Variants in FAM171A2 observed in about 807,000 individuals in gnomAD.
The protein encoded by FAM171A2 is family with sequence similarity 171 member A2.
A neutral mutation model predicts 34.2 loss-of-function variants in FAM171A2; 13 were observed. The ratio of observed to expected loss-of-function variants is 0.38; its 90% CI spans 0.25 to 0.60. The LOEUF (loss-of-function observed/expected upper bound fraction) is 0.60, where lower values mean the gene tolerates loss of function less well. FAM171A2 is among the 20% of genes least tolerant of loss of function. The probability of loss-of-function intolerance (pLI) is 0.62; values close to 1 mark genes in which losing one functional copy is unlikely to be tolerated. For synonymous variants in FAM171A2, 475 were observed against 561.2 expected (o/e 0.85, Z 2.17); for missense variants, 950 against 1,180.7 (o/e 0.80, Z 2.86).
chr17:44,362,475 C>A (rs942931257), intron 1 of FAM171A2, among the ~76,000 whole-genome samples: 5 of 152,218 alleles, frequency 3.3e-5, no homozygotes, highest in African/African-American at 1.2e-4. Context: ...CAGACCCCCC[C>A]ACTCTGCTTT....
Position 44,355,314 on chromosome 17 carries a change from C to A in FAM171A2, c.1023-123G>T. ...GAAGAGGTGGGGAGAATGCCTGGGG[C>A]GCTCAGGAGAGATGGCGGGGAGCCG... is the stretch of plus-strand genomic sequence containing the variant. On this transcript the variant is annotated intron_variant, in intron 7 of 7. Coordinates refer to ENST00000293443, the MANE Select transcript of FAM171A2 (RefSeq NM_198475.3). The surrounding 1 kb of genome is among the most constrained non-coding windows in gnomAD (Gnocchi z 4.1). The A allele has an allele frequency of 4.2e-6, 6 of 1,443,290 alleles. No individual in the cohort carries two copies. The East Asian group carries it at 9.9e-5, about 24-fold the overall frequency. The allele number at this position is 1,443,290 out of a possible 1,614,324, so 89.4% of individuals were successfully genotyped here. A position where few individuals can be genotyped will look rare whatever the true frequency, so the allele number is the denominator to read the frequency against.
chr17:44,354,037 A>G lies in FAM171A2; in HGVS notation c.2177T>C (p.Leu726Pro). Residue 726 changes from leucine (L) to proline (P), a missense_variant, in exon 8 of 8, where the codon CTC becomes CCC. Leu to Pro is a moderately conservative substitution (Grantham distance 98, BLOSUM62 -3). This residue lies in a region of FAM171A2 where 191 missense variants were observed against 222.8 expected (regional missense o/e 0.86). Transcript: ENST00000293443. The surrounding 1 kb of genome is among the most constrained non-coding windows in gnomAD (Gnocchi z 5.8). ...GCTGCTGGGCTCCGTGTCCTCGCTG[A>G]GCGCCAGGCGCGGGGGCGCGGGCGG... ...PPPPAPPRLA[L>P]SEDTEPSSSE... 5 of 1,165,814 alleles carry G rather than the reference A, an allele frequency of 4.3e-6. No homozygotes were observed. Among genetic ancestry groups the G allele is most frequent in the Non-Finnish European group, 5.3e-6 (5 of 946,132 alleles). The allele number at this position is 1,165,814 out of a possible 1,614,324, so 72.2% of individuals were successfully genotyped here. A position where few individuals can be genotyped will look rare whatever the true frequency, so the allele number is the denominator to read the frequency against.
At chr17:44,359,368 C>T (rs1228574668) in intron 3 of FAM171A2, 1 of 591,210 alleles carries the variant, frequency 1.7e-6, no homozygotes, top group East Asian at 2.8e-5. Context: ...TTATTGAACA[C>T]CTTCTGTACT....
At chr17:44,356,131 C>T (rs2048422157) in intron 5 of FAM171A2, 42 bp downstream of exon 5, 5 of 1,523,996 alleles carry the variant, frequency 3.3e-6, no homozygotes, top group Non-Finnish European at 4.4e-6. Flanking sequence ...GTCCCACTTT[C>T]TTCTCTCAAC....
chr17:44,361,808 G>A (rs952418559), intron 1 of FAM171A2, among the ~76,000 whole-genome samples: 33 of 152,158 alleles, frequency 2.2e-4, no homozygotes, highest in African/African-American at 8.0e-4. Context: ...AGGTTAAGTG[G>A]CATGGGGTGG....
chr17:44,357,354 A>G (rs1183997544), intron 3 of FAM171A2, among the ~76,000 whole-genome samples: 1 of 144,484 alleles, frequency 6.9e-6, no homozygotes, highest in Non-Finnish European at 1.5e-5. Flanking sequence ...TCTCAAAAGA[A>G]AAAAAAAAAA....
Position 44,354,437 on chromosome 17 carries a change from C to T in FAM171A2, c.1777G>A (p.Gly593Arg), listed in dbSNP as rs1416007663. 1 of 1,119,082 alleles carries T rather than the reference C, an allele frequency of 8.9e-7. No homozygotes were observed. The highest frequency in any genetic ancestry group is 1.7e-5 in the African/African-American group (1 of 59,514). The allele number at this position is 1,119,082 out of a possible 1,614,324, so 69.3% of individuals were successfully genotyped here. The change falls in exon 8 of 8, where the codon GGG becomes AGG. Residue 593 changes from glycine to arginine, a missense_variant. Physicochemically the swap from Gly to Arg is moderately radical, Grantham distance 125. This residue lies in a region of FAM171A2 where 752 missense variants were observed against 924.5 expected (regional missense o/e 0.81). Transcript: ENST00000293443. The surrounding 1 kb of genome is among the most constrained non-coding windows in gnomAD (Gnocchi z 5.8). ...RPQMPGHSGP[G>R]GEGGGGGGEG... ...CCGCCGCCCCCGCCGCCCTCGCCCC[C>T]CGGGCCCGAGTGGCCCGGCATCTGC...
At chr17:44,358,989 G>A (rs1598369875) in intron 3 of FAM171A2, 2 of 153,014 alleles carry the variant, frequency 1.3e-5, no homozygotes, top group East Asian at 3.8e-4. Flanking sequence ...AGCACTGAAA[G>A]CAGCTGCCCT....
Position 44,354,633 on chromosome 17 carries a change from G to A in FAM171A2, c.1581C>T (p.His527=). The A allele has an allele frequency of 7.7e-7, 1 of 1,291,370 alleles. No individual in the cohort carries two copies. Among genetic ancestry groups the A allele is most frequent in the Non-Finnish European group, 9.8e-7 (1 of 1,017,684 alleles). The allele number at this position is 1,291,370 out of a possible 1,614,324, so 80.0% of individuals were successfully genotyped here. A position where few individuals can be genotyped will look rare whatever the true frequency, so the allele number is the denominator to read the frequency against. Residue 527 remains histidine, a synonymous_variant, in exon 8 of 8, where the codon CAC becomes CAT. Transcript: ENST00000293443. The surrounding 1 kb of genome is among the most constrained non-coding windows in gnomAD (Gnocchi z 5.8). ...GQLIFCGSID[H]LKDNVYRNVM... Reference sequence around the variant, plus strand: ...CGTTGCGGTAGACGTTGTCCTTGAGGTGGTCGATGGAGCCGCAGAAGATGA... The same window carrying A: ...CGTTGCGGTAGACGTTGTCCTTGAGATGGTCGATGGAGCCGCAGAAGATGA...
chr17:44,359,525 A>T, intron 3 of FAM171A2, 54 bp downstream of exon 3: 2 of 1,454,160 alleles, frequency 1.4e-6, no homozygotes, highest in Non-Finnish European at 1.9e-6. Flanking sequence ...GGAGGTCTCT[A>T]CACCTAGGTC....
At position 44,355,057 on chromosome 17, in the gene FAM171A2, G is replaced by C; in HGVS notation, c.1157C>G (p.Pro386Arg). Reference protein sequence around the residue: ...LICGGPLEPAPSGDPEAPPPG... With the variant: ...LICGGPLEPARSGDPEAPPPG... ...AGGCGGAGCCTCGGGGTCCCCCGAC[G>C]GGGCGGGTTCCAGGGGTCCCCCACA... The change falls in exon 8 of 8, where the codon CCG becomes CGG. Residue 386 changes from proline (P) to arginine (R), a missense_variant. Coordinates refer to ENST00000293443, the MANE Select transcript of FAM171A2 (RefSeq NM_198475.3). The surrounding 1 kb of genome is among the most constrained non-coding windows in gnomAD (Gnocchi z 4.1). The C allele has an allele frequency of 6.5e-7, 1 of 1,545,874 alleles. No homozygotes were observed. Among genetic ancestry groups the C allele is most frequent in the Non-Finnish European group, 8.7e-7 (1 of 1,145,030 alleles).
chr17:44,363,544 C>G (rs1280757160), intron 1 of FAM171A2, 53 bp downstream of exon 1: 3 of 868,596 alleles, frequency 3.5e-6, no homozygotes, highest in Admixed American at 4.4e-5. Flanking sequence ...CGGGCGGGAG[C>G]CTGATCAGGG....
At position 44,354,405 on chromosome 17, in the gene FAM171A2, G is replaced by T; in HGVS notation, c.1809C>A (p.Gly603=). The T allele has an allele frequency of 3.3e-6, 4 of 1,199,096 alleles. No individual in the cohort carries two copies. The highest frequency in any genetic ancestry group is 4.2e-6 in the Non-Finnish European group (4 of 959,092). 74.3% of individuals were successfully genotyped at this position (1,199,096 alleles called of 1,614,324 possible). A position where few individuals can be genotyped will look rare whatever the true frequency, so the allele number is the denominator to read the frequency against. ...GGEGGGGGGE[G]WGAGRAAPVS... is the part of the protein sequence containing the mutation. ...CGGGCGCCGCGCGCCCGGCCCCCCA[G>T]CCCTCGCCGCCGCCCCCGCCGCCCT... is the stretch of plus-strand genomic sequence containing the variant. Residue 603 remains glycine (G), a synonymous_variant, in exon 8 of 8, where the codon GGC becomes GGA. Transcript: ENST00000293443. This position sits in a 1 kb window ranked among gnomAD's most constrained non-coding sequence, Gnocchi z 5.8.
Position 44,354,433 on chromosome 17 carries a change from C to T in FAM171A2, c.1781G>A (p.Gly594Asp), listed in dbSNP as rs1005537151. Residue 594 changes from glycine to aspartate, a missense_variant, in exon 8 of 8, where the codon GGC (glycine) becomes GAC (aspartate). Coordinates refer to ENST00000293443, the MANE Select transcript of FAM171A2 (RefSeq NM_198475.3). This position sits in a 1 kb window ranked among gnomAD's most constrained non-coding sequence, Gnocchi z 5.8. The part of the protein sequence containing the change: ...PQMPGHSGPG[G>D]EGGGGGGEGW... The stretch of plus-strand genomic sequence containing the variant: ...CTCGCCGCCGCCCCCGCCGCCCTCG[C>T]CCCCCGGGCCCGAGTGGCCCGGCAT... 6.2e-6 allele frequency: 7 copies of T among 1,120,568 alleles called. No homozygotes were observed. Among genetic ancestry groups the T allele is most frequent in the African/African-American group, 5.0e-5 (3 of 59,536 alleles). 69.4% of individuals were successfully genotyped at this position (1,120,568 alleles called of 1,614,324 possible). A position where few individuals can be genotyped will look rare whatever the true frequency, so the allele number is the denominator to read the frequency against.
intron 1 of FAM171A2, among the ~76,000 whole-genome samples, chr17:44,361,898 T>C (rs2048449361): frequency 1.3e-5 from 2 of 151,974 alleles, no homozygotes; most frequent in East Asian, 3.9e-4. Context: ...TCGGAGAAGC[T>C]AGAAGGTCCT....
chr17:44,354,469 TG>T lies in FAM171A2; in HGVS notation c.1744del (p.Gln582SerfsTer56). 9.3e-7 allele frequency: 1 copy of T among 1,079,940 alleles called. No homozygotes were observed. Among genetic ancestry groups the T allele is most frequent in the Non-Finnish European group, 1.1e-6 (1 of 890,884 alleles). 66.9% of individuals were successfully genotyped at this position (1,079,940 alleles called of 1,614,324 possible). On this transcript the variant is annotated frameshift_variant, in exon 8 of 8. Transcript: ENST00000293443. LOFTEE classifies it low-confidence loss of function (END_TRUNC). This position sits in a 1 kb window ranked among gnomAD's most constrained non-coding sequence, Gnocchi z 5.8. ...CGAGTGGCCCGGCATCTGCGGGCGC[TG>T]GGGGTCGGGCTGGGGAAAAGCGCGC... ...PARAFPQPDP[Q>X]RPQMPGHSGP... is the part of the protein sequence containing the mutation.
At position 44,363,831 on chromosome 17, in the gene FAM171A2, G is replaced by A. The variant is rs1567893441; in HGVS notation, c.-117C>T. ...CAGCTCCGGCTCCCGCTCCCGCTGC[G>A]GCGCCCGCTCAGCGCGATTGTCTCC... On this transcript the variant is annotated 5_prime_UTR_variant, in exon 1 of 8. Transcript: ENST00000293443. The A allele has an allele frequency of 7.7e-6, 3 of 389,962 alleles. No homozygotes were observed. Among genetic ancestry groups the A allele is most frequent in the South Asian group, 1.2e-4 (1 of 8,200 alleles). 24.2% of individuals were successfully genotyped at this position (389,962 alleles called of 1,614,324 possible). A position where few individuals can be genotyped will look rare whatever the true frequency, so the allele number is the denominator to read the frequency against.
chr17:44,354,246 C>A lies in FAM171A2; in HGVS notation c.1968G>T (p.Val656=). Residue 656 remains valine (V), a synonymous_variant, in exon 8 of 8, where the codon GTG becomes GTT. Transcript: ENST00000293443. The surrounding 1 kb of genome is among the most constrained non-coding windows in gnomAD (Gnocchi z 5.8). ...GCGAGTTGGAGCGCCCGTCGAGGGACACGAACCAGGCGCGCGGGTGCGGCT... is the reference window on the plus strand; with the variant it reads ...GCGAGTTGGAGCGCCCGTCGAGGGAAACGAACCAGGCGCGCGGGTGCGGCT... The part of the protein sequence containing the change: ...GVKPHPRAWF[V]SLDGRSNSQV... 1 of 1,456,432 alleles carries A rather than the reference C, an allele frequency of 6.9e-7. No individual in the cohort carries two copies. 90.2% of individuals were successfully genotyped at this position (1,456,432 alleles called of 1,614,324 possible).
Position 44,355,078 on chromosome 17 carries a change from C to G in FAM171A2, c.1136G>C (p.Gly379Ala). Residue 379 changes from glycine (G) to alanine (A), a missense_variant, in exon 8 of 8, where the codon GGG becomes GCG. Physicochemically the swap from Gly to Ala is moderately conservative, Grantham distance 60. Coordinates refer to ENST00000293443, the MANE Select transcript of FAM171A2 (RefSeq NM_198475.3). This position sits in a 1 kb window ranked among gnomAD's most constrained non-coding sequence, Gnocchi z 4.1. ...TSMSQLHLIC[G>A]GPLEPAPSGD... Reference sequence around the variant, plus strand: ...CGACGGGGCGGGTTCCAGGGGTCCCCCACAGATGAGGTGGAGCTGGGACAT... The same window carrying G: ...CGACGGGGCGGGTTCCAGGGGTCCCGCACAGATGAGGTGGAGCTGGGACAT... The G allele has an allele frequency of 1.3e-6, 2 of 1,550,280 alleles. No individual in the cohort carries two copies. The highest frequency in any genetic ancestry group is 1.7e-6 in the Non-Finnish European group (2 of 1,146,700).
Sources: allele counts gnomAD v4.1 joint callset (sites outside exome capture counted in the v4.1 genomes callset), GRCh38; gene constraint gnomAD v4.1.1; regional missense constraint gnomAD v4.1.1; non-coding constraint Gnocchi (gnomAD v3.1); transcripts MANE v1.5; gene names NCBI Gene and HGNC (gene_info 2026-07-23, HGNC 2026-07-21).